MYO19: variants seen among roughly 807,000 people sequenced by gnomAD.
MYO19 encodes unconventional myosin-XIX.
In MYO19, 132 loss-of-function variants were observed where a neutral mutation model predicts 129.2. The ratio of observed to expected loss-of-function variants is 1.02; its 90% CI spans 0.89 to 1.18. MYO19 has a LOEUF of 1.18. Ranked by LOEUF, MYO19 falls within the 50% of genes most tolerant of loss-of-function variation. The pLI, the probability that MYO19 is intolerant of heterozygous loss-of-function variation, is 0.00. For missense variants in MYO19, 1,210 were observed against 1,216.7 expected (o/e 0.99, Z 0.08); for synonymous variants, 531 against 477.2 (o/e 1.11, Z -1.47).
intron 3 of MYO19, among the ~76,000 whole-genome samples, chr17:36,531,177 G>A (rs1349840396): frequency 2.6e-5 from 4 of 151,910 alleles, no homozygotes; most frequent in Admixed American, 1.3e-4. Flanking sequence ...GGTGGATCAC[G>A]AGGTCAGGAG....
upstream of MYO19, chr17:36,538,089 C>G: frequency 6.2e-7 from 1 of 1,614,134 alleles, no homozygotes; most frequent in South Asian, 1.1e-5. Context: ...GCATAAGAAC[C>G]GATCACATAT....
chr17:36,537,500 T>A (rs1254935694), upstream of MYO19: 53 of 1,614,114 alleles, frequency 3.3e-5, no homozygotes, highest in Non-Finnish European at 4.4e-5. Context: ...CCTGTTTCCG[T>A]GTAATTACCA....
upstream of MYO19, among the ~76,000 whole-genome samples, chr17:36,539,911 G>C (rs966140640): frequency 2.0e-5 from 3 of 149,712 alleles, no homozygotes; most frequent in Non-Finnish European, 3.0e-5. Context: ...TTTTGAGCTA[G>C]AGCTGATTAG....
intron 20 of MYO19, among the ~76,000 whole-genome samples, chr17:36,503,579 C>T (rs2071681207): frequency 1.3e-5 from 2 of 152,180 alleles, no homozygotes; most frequent in South Asian, 4.1e-4. Context: ...CCTCTCTGAC[C>T]CCACAGTCTC....
Position 36,507,518 on chromosome 17 carries a change from G to GAAC in MYO19, c.1354-9_1354-7dup. The stretch of plus-strand genomic sequence containing the variant: ...CCCTCAACTGCGTATTCCTCCTAAA[G>GAAC]AACAAGGTGGGATGAGGTGGGAGAA... On this transcript the variant is annotated splice_region_variant and splice_polypyrimidine_tract_variant and intron_variant, in intron 15 of 25. Transcript: ENST00000614623. 2 of 1,612,536 alleles carry GAAC rather than the reference G, an allele frequency of 1.2e-6. No individual in the cohort carries two copies. Among genetic ancestry groups the GAAC allele is most frequent in the Non-Finnish European group, 1.7e-6 (2 of 1,179,482 alleles).
chr17:36,517,917 C>G lies in MYO19; in HGVS notation c.415-1927G>C, dbSNP rs149434662. Among the ~76,000 whole-genome samples, 1,159 of 151,848 alleles carry G rather than the reference C, an allele frequency of 7.6e-3. 21 individuals carry two copies. Among genetic ancestry groups the G allele is most frequent in the East Asian group, 0.025 (128 of 5,046 alleles). ...CAGCCTTGACCAACATGGTGAAACC[C>G]TGTCTCTACTAAAAATACAAAACTT... On this transcript the variant is annotated intron_variant, in intron 6 of 25. Transcript: ENST00000614623.
rs547879655 is a variant in MYO19 at position 36,505,443 on chromosome 17, G to A, written c.1798-39C>T. ...ACCATGGGGTTAGGCAGGGAGAGGG[G>A]CTGCCCAGGGCCATCAACTGGGCTC... is the stretch of plus-strand genomic sequence containing the variant. On this transcript the variant is annotated intron_variant, in intron 18 of 25. Transcript: ENST00000614623. The A allele has an allele frequency of 8.0e-6, 12 of 1,499,414 alleles. No individual in the cohort carries two copies. The African/African-American group carries it at 1.1e-4, about 14-fold the overall frequency. The allele number at this position is 1,499,414 out of a possible 1,614,324, so 92.9% of individuals were successfully genotyped here. A position where few individuals can be genotyped will look rare whatever the true frequency, so the allele number is the denominator to read the frequency against.
chr17:36,535,233 C>T (rs967859235), upstream of MYO19: 1 of 151,840 alleles, frequency 6.6e-6, no homozygotes, highest in Non-Finnish European at 1.5e-5. Flanking sequence ...TTGTGCGAGG[C>T]CGGCGGACAC....
At chr17:36,515,707 G>A in intron 7 of MYO19, 151 bp downstream of exon 7, 2 of 733,668 alleles carry the variant, frequency 2.7e-6, no homozygotes, top group Non-Finnish European at 4.3e-6. Context: ...AGGAGTACCA[G>A]GGAGAGGTTG....
intron 5 of MYO19, 21 bp from the exon 6 acceptor site, chr17:36,525,362 A>C: frequency 6.6e-7 from 1 of 1,522,228 alleles, no homozygotes; most frequent in Non-Finnish European, 9.1e-7. Context: ...AAGGAGTGAA[A>C]GGTCATGTGA....
chr17:36,504,402 G>A (rs1009929859), intron 19 of MYO19: 2 of 199,948 alleles, frequency 1.0e-5, no homozygotes, highest in Admixed American at 5.6e-5. Context: ...TCACAGCTGA[G>A]AGGCAGGGAA....
At position 36,498,409 on chromosome 17, in the gene MYO19, TGGC is replaced by T; in HGVS notation, c.2611_2613del (p.Ala871del). The T allele has an allele frequency of 6.2e-7, 1 of 1,614,042 alleles. No homozygotes were observed. Among genetic ancestry groups the T allele is most frequent in the Non-Finnish European group, 8.5e-7 (1 of 1,179,890 alleles). On this transcript the variant is annotated inframe_deletion, in exon 25 of 26. Coordinates refer to ENST00000614623, the MANE Select transcript of MYO19 (RefSeq NM_001163735.2). Reference sequence around the variant, plus strand: ...AAGCTGCCTACACCCATAGCCGTATTGGCCAGGACCAGTCCCAGGGGCCAGAGG... The same window carrying T: ...AAGCTGCCTACACCCATAGCCGTATTCAGGACCAGTCCCAGGGGCCAGAGG...
chr17:36,507,356 A>G (rs762117486), intron 16 of MYO19, 43 bp downstream of exon 16: 2 of 1,582,608 alleles, frequency 1.3e-6, no homozygotes, highest in Non-Finnish European at 1.7e-6. Context: ...CAGAAAACCC[A>G]AAGGCCAACT....
chr17:36,517,807 C>T (rs1166625544), intron 6 of MYO19, among the ~76,000 whole-genome samples: 1 of 151,826 alleles, frequency 6.6e-6, no homozygotes, highest in Non-Finnish European at 1.5e-5. Flanking sequence ...AAGGTAATGA[C>T]GCCAGGTGCG....
intron 1 of MYO19, among the ~76,000 whole-genome samples, chr17:36,542,518 T>A (rs1390609291): frequency 6.6e-6 from 1 of 151,834 alleles, no homozygotes; most frequent in East Asian, 2.0e-4. Context: ...GCTGACACGA[T>A]GAAACCCCGT....
At chr17:36,499,039 TC>T (rs1363048971) in intron 24 of MYO19, 35 bp downstream of exon 24, 1 of 1,533,886 alleles carries the variant, frequency 6.5e-7, no homozygotes, top group Non-Finnish European at 8.9e-7. Context: ...CCAAAATTGA[TC>T]CACTGCCCAC....
rs368088169 is a variant in MYO19 at position 36,503,114 on chromosome 17, G to A, written c.2063C>T (p.Pro688Leu). 171 of 1,613,870 alleles carry A rather than the reference G, an allele frequency of 1.1e-4. No homozygotes were observed. Among genetic ancestry groups the A allele is most frequent in the Non-Finnish European group, 1.4e-4 (165 of 1,179,842 alleles). Residue 688 changes from proline (P) to leucine (L), a missense_variant, in exon 21 of 26, where the codon CCT becomes CTT. Coordinates refer to ENST00000614623, the MANE Select transcript of MYO19 (RefSeq NM_001163735.2). ...CCACTCACCAGGGAGCCCTTTGGCA[G>A]GATATGGGCTGTCGGGGCCAGAGGA... ...CTSSGPDSPY[P>L]AKGLPEWCPH... is the part of the protein sequence containing the mutation.
At chr17:36,543,653 T>C (rs1244158044), upstream of MYO19, among the ~76,000 whole-genome samples, 1 of 152,022 alleles carries the variant, frequency 6.6e-6, no homozygotes, top group East Asian at 1.9e-4. Context: ...AGATGGAGTT[T>C]CGCTCTTGTT....
At chr17:36,535,084 T>A (rs1288117599), upstream of MYO19, 1 of 152,210 alleles carries the variant, frequency 6.6e-6, no homozygotes, top group Non-Finnish European at 1.5e-5. Flanking sequence ...TGGGGTAAAA[T>A]GAGGGTAAAG....
Sources: allele counts gnomAD v4.1 joint callset (sites outside exome capture counted in the v4.1 genomes callset), GRCh38; gene constraint gnomAD v4.1.1; transcripts MANE v1.5; gene names NCBI Gene and HGNC (gene_info 2026-07-23, HGNC 2026-07-21).